SWAP70: variants seen among roughly 807,000 people sequenced by gnomAD.
The protein encoded by SWAP70 is switch-associated protein 70.
A neutral mutation model predicts 80.2 loss-of-function variants in SWAP70; 34 were observed. The observed-to-expected ratio is 0.42, with a 90% confidence interval of 0.32 to 0.56. The LOEUF is 0.56. Ranked by LOEUF, SWAP70 falls within the 20% of genes least tolerant of loss-of-function variation. SWAP70 has a pLI of 0.09. For synonymous variants in SWAP70, 239 were observed against 238.5 expected, an observed-to-expected ratio of 1.00 and a Z score of -0.02; for missense variants, 578 against 690.7, an observed-to-expected ratio of 0.84 and a Z score of 1.83.
chr11:9,700,202 G>A (rs1055415969), intron 2 of SWAP70, among the ~76,000 whole-genome samples: 1 of 152,042 alleles, frequency 6.6e-6, no homozygotes, highest in Non-Finnish European at 1.5e-5. Context: ...TGTTTTAAAA[G>A]TCAAAAATGA....
intron 9 of SWAP70, chr11:9,741,258 C>G (rs1221675784): frequency 6.6e-6 from 1 of 152,034 alleles, no homozygotes; most frequent in Non-Finnish European, 1.5e-5. Flanking sequence ...CCAAAAGTGA[C>G]TTCAAAAATA....
intron 4 of SWAP70, among the ~76,000 whole-genome samples, chr11:9,726,064 T>A (rs1214401099): frequency 1.3e-5 from 2 of 152,160 alleles, no homozygotes; most frequent in Non-Finnish European, 2.9e-5. Context: ...ACCTCTAGAT[T>A]GTGGGATTTT....
intron 4 of SWAP70, chr11:9,727,092 T>C (rs1483725726): frequency 5.1e-6 from 2 of 390,304 alleles, no homozygotes; most frequent in Non-Finnish European, 1.0e-5. Context: ...GTTTTACTTA[T>C]TTTATTTAAA....
intron 2 of SWAP70, among the ~76,000 whole-genome samples, chr11:9,710,141 G>A (rs929189845): frequency 2.6e-5 from 4 of 151,984 alleles, no homozygotes; most frequent in Admixed American, 2.0e-4. Context: ...GTGGACCCTC[G>A]AAGTTCAAAC....
rs927119078 is a variant in SWAP70, at chr11:9,752,168, G to A, written c.*2198G>A. The A allele has an allele frequency of 6.6e-6, 1 of 152,228 alleles. No individual in the cohort carries two copies. Among genetic ancestry groups the A allele is most frequent in the Non-Finnish European group, 1.5e-5 (1 of 68,036 alleles). 9.4% of individuals were successfully genotyped at this position (152,228 alleles called of 1,614,324 possible). On this transcript the variant is annotated 3_prime_UTR_variant, in exon 12 of 12. Transcript: ENST00000318950. ...CTGCATGGTGGGGAGGATCATGATG[G>A]AATATGTGAATTTCTACTTCTAGAA...
intron 2 of SWAP70, among the ~76,000 whole-genome samples, chr11:9,698,258 G>A (rs767098935): frequency 6.6e-6 from 1 of 151,820 alleles, no homozygotes; most frequent in Non-Finnish European, 1.5e-5. Context: ...GTGCCACCAC[G>A]CCTGGCTGAT....
intron 11 of SWAP70, among the ~76,000 whole-genome samples, 180 bp downstream of exon 11, chr11:9,749,363 T>C (rs10770059): frequency 0.71 from 108,263 of 151,948 alleles, 38,856 homozygotes; most frequent in Middle Eastern, 0.82. Context: ...TCTCCTGCCT[T>C]AACCTCCCAA....
intron 1 of SWAP70, among the ~76,000 whole-genome samples, chr11:9,671,469 T>A (rs1394048656): frequency 1.9e-5 from 2 of 102,618 alleles, no homozygotes; most frequent in Non-Finnish European, 3.4e-5. Flanking sequence ...TATATATAAA[T>A]ATATAAAAGT....
chr11:9,728,999 C>G (rs1331327110), intron 5 of SWAP70, among the ~76,000 whole-genome samples: 1 of 152,172 alleles, frequency 6.6e-6, no homozygotes, highest in African/African-American at 2.4e-5. Flanking sequence ...TTAGGTGCTT[C>G]ATATCCCATA....
chr11:9,692,676 C>T (rs1332486673), intron 1 of SWAP70, among the ~76,000 whole-genome samples: 1 of 152,078 alleles, frequency 6.6e-6, no homozygotes, highest in Admixed American at 6.6e-5. Flanking sequence ...TAGCATTTTA[C>T]AGTTATTAAG....
chr11:9,695,562 T>G (rs547716887), intron 2 of SWAP70, among the ~76,000 whole-genome samples: 1 of 143,408 alleles, frequency 7.0e-6, no homozygotes, highest in Non-Finnish European at 1.5e-5. Context: ...TAAGTGGGAG[T>G]TGAACAATGA....
At chr11:9,673,464 G>A (rs1219465244) in intron 1 of SWAP70, among the ~76,000 whole-genome samples, 1 of 152,152 alleles carries the variant, frequency 6.6e-6, no homozygotes, top group African/African-American at 2.4e-5. Flanking sequence ...TCAGCTCTCT[G>A]GGAGCTCCTC....
chr11:9,730,078 T>C (rs1455436772), intron 6 of SWAP70, among the ~76,000 whole-genome samples: 1 of 152,212 alleles, frequency 6.6e-6, no homozygotes, highest in Non-Finnish European at 1.5e-5. Flanking sequence ...GCATAGTTGC[T>C]GTTAGGTAAT....
At chr11:9,673,462 C>T (rs1850445967) in intron 1 of SWAP70, among the ~76,000 whole-genome samples, 1 of 152,194 alleles carries the variant, frequency 6.6e-6, no homozygotes, top group Non-Finnish European at 1.5e-5. Flanking sequence ...GTTCAGCTCT[C>T]TGGGAGCTCC....
At chr11:9,749,704 C>T (rs940719650) in intron 11 of SWAP70, among the ~76,000 whole-genome samples, 160 bp from the exon 12 acceptor site, 10 of 152,180 alleles carry the variant, frequency 6.6e-5, no homozygotes, top group Non-Finnish European at 1.5e-5. Context: ...AGTTAATCCC[C>T]TTGGTATACA....
At chr11:9,684,567 T>C (rs1031202425) in intron 1 of SWAP70, among the ~76,000 whole-genome samples, 2 of 152,320 alleles carry the variant, frequency 1.3e-5, no homozygotes, top group Admixed American at 6.5e-5. Flanking sequence ...CAGAAGTCTG[T>C]ACTTGAATTT....
intron 2 of SWAP70, among the ~76,000 whole-genome samples, chr11:9,696,906 T>C (rs149674276): frequency 2.7e-4 from 41 of 152,232 alleles, no homozygotes; most frequent in African/African-American, 7.7e-4. Flanking sequence ...GATAATACTT[T>C]CGAATTAAAA....
At chr11:9,698,866 G>A (rs1296152062) in intron 2 of SWAP70, among the ~76,000 whole-genome samples, 2 of 152,132 alleles carry the variant, frequency 1.3e-5, no homozygotes, top group Non-Finnish European at 2.9e-5. Context: ...GAATGGTAAA[G>A]TGAAACTAGG....
intron 1 of SWAP70, among the ~76,000 whole-genome samples, chr11:9,668,408 C>T (rs1850335082): frequency 6.6e-6 from 1 of 152,218 alleles, no homozygotes; most frequent in Non-Finnish European, 1.5e-5. Context: ...TTGTCTCTCT[C>T]TTGTCTGTAT....
Sources: gnomAD v4.1 joint callset for allele counts (sites outside exome capture counted in the v4.1 genomes callset) on GRCh38, gnomAD v4.1.1 for gene constraint, MANE v1.5 for transcripts, NCBI Gene and HGNC (gene_info 2026-07-23, HGNC 2026-07-21) for gene names.